Variants in C2orf49 observed in about 807,000 individuals in gnomAD.
C2orf49 encodes the protein tRNA splicing ligase complex subunit 2.
C2orf49 carries 11 observed loss-of-function variants against 20.6 expected under a neutral mutation model. The observed-to-expected ratio is 0.53, with a 90% CI of 0.34 to 0.88. The LOEUF is 0.88. Among genes scored for constraint, C2orf49 ranks in the 40% least tolerant of loss-of-function variants. The pLI is 0.02. For synonymous variants in C2orf49, 134 were observed against 108.5 expected, an observed-to-expected ratio of 1.24 and a Z score of -1.46; for missense variants, 289 against 274.2, an observed-to-expected ratio of 1.05 and a Z score of -0.38.
At chr2:105,357,817 A>T in the C2orf49 span, 1 of 152,064 alleles carries the variant, frequency 6.6e-6, no homozygotes, top group African/African-American at 2.4e-5. Context: ...TCCTTTTTTA[A>T]ATATGATTTC....
downstream of C2orf49, among the ~76,000 whole-genome samples, chr2:105,349,540 C>G (rs1186236483): frequency 3.3e-5 from 5 of 152,148 alleles, no homozygotes; most frequent in East Asian, 3.8e-4. Context: ...GTAGCTTGAT[C>G]ATCTTATTGT....
At chr2:105,358,207 G>T in the C2orf49 span, 1 of 152,236 alleles carries the variant, frequency 6.6e-6, no homozygotes, top group Non-Finnish European at 1.5e-5. Flanking sequence ...CTTAGGCAAA[G>T]ATTTCTCGTT....
the C2orf49 span, among the ~76,000 whole-genome samples, chr2:105,357,459 G>T: frequency 1.3e-5 from 2 of 151,894 alleles, no homozygotes; most frequent in Non-Finnish European, 2.9e-5. Flanking sequence ...TCATCTCTTG[G>T]TATCTGTGGG....
chr2:105,339,572 C>T lies in C2orf49; in HGVS notation c.100-11C>T. 6.4e-7 allele frequency: 1 copy of T among 1,572,728 alleles called. No homozygotes were observed. Among genetic ancestry groups the T allele is most frequent in the Non-Finnish European group, 8.6e-7 (1 of 1,169,014 alleles). On this transcript the variant is annotated splice_polypyrimidine_tract_variant and intron_variant, in intron 1 of 3. Coordinates refer to ENST00000258457, the MANE Select transcript of C2orf49 (RefSeq NM_024093.3). Reference sequence around the variant, plus strand: ...ATTGTTTTGAAATTACTTTTGTTTCCTTTCCCGCAGAAGAACATAGCTGTT... The same window carrying T: ...ATTGTTTTGAAATTACTTTTGTTTCTTTTCCCGCAGAAGAACATAGCTGTT...
chr2:105,367,788 G>A, the C2orf49 span: 182 of 1,562,726 alleles, frequency 1.2e-4, no homozygotes, highest in Non-Finnish European at 1.4e-4. Context: ...TTAGAGGGGT[G>A]TGGAGTCCCA....
chr2:105,376,773 C>T, the C2orf49 span: 1 of 152,178 alleles, frequency 6.6e-6, no homozygotes, highest in Non-Finnish European at 1.5e-5. Flanking sequence ...AGATGTCTAT[C>T]AATAGGTGAA....
At chr2:105,369,329 AAGCTAGGGGTTGTATTTT>A in the C2orf49 span, among the ~76,000 whole-genome samples, 1 of 152,218 alleles carries the variant, frequency 6.6e-6, no homozygotes, top group Non-Finnish European at 1.5e-5. Flanking sequence ...CCCAAGGACA[AAGCTAGGGGTTGTATTTT>A]AGCTGGCTAG....
intron 3 of C2orf49, among the ~76,000 whole-genome samples, chr2:105,344,800 G>T (rs1478807441): frequency 1.3e-5 from 2 of 151,772 alleles, no homozygotes; most frequent in Non-Finnish European, 2.9e-5. Flanking sequence ...CTGTTGGCCA[G>T]GCTGGTCTCA....
chr2:105,374,156 C>T, the C2orf49 span: 4 of 249,906 alleles, frequency 1.6e-5, no homozygotes, highest in Admixed American at 5.1e-5. Context: ...CTGTGGTCAC[C>T]GGCATGGCAG....
At chr2:105,381,524 C>T in the C2orf49 span, among the ~76,000 whole-genome samples, 8 of 152,178 alleles carry the variant, frequency 5.3e-5, no homozygotes, top group East Asian at 1.9e-4. Flanking sequence ...CACTGCTGAG[C>T]GCTGTGCACC....
chr2:105,370,317 G>C, the C2orf49 span, among the ~76,000 whole-genome samples: 1 of 152,144 alleles, frequency 6.6e-6, no homozygotes, highest in East Asian at 1.9e-4. Flanking sequence ...CAAGGCTGCA[G>C]TGAGCAGTGA....
rs189637203 is a variant in C2orf49, at chr2:105,343,045, C to T, written c.464C>T (p.Ser155Phe). The change falls in exon 3 of 4, where the codon TCT becomes TTT. Residue 155 changes from serine to phenylalanine, a missense_variant. Physicochemically the swap from Ser to Phe is radical, Grantham distance 155 (BLOSUM62 -2). Coordinates refer to ENST00000258457, the MANE Select transcript of C2orf49 (RefSeq NM_024093.3). ...TCGAGTGTTTCACCCCTAATTTTGT[C>T]TTCCAATTTGCCTGTGAACAATAAA... ...SSSSVSPLIL[S>F]SNLPVNNKTE... 1.0e-4 allele frequency: 165 copies of T among 1,614,186 alleles called. No homozygotes were observed. Among genetic ancestry groups the T allele is most frequent in the Middle Eastern group, 8.2e-4 (5 of 6,062 alleles).
chr2:105,385,405 C>A, the C2orf49 span, among the ~76,000 whole-genome samples: 1 of 152,172 alleles, frequency 6.6e-6, no homozygotes, highest in East Asian at 1.9e-4. Flanking sequence ...AATCAGTCAG[C>A]GGCAATGTGC....
chr2:105,367,930 C>T, the C2orf49 span, among the ~76,000 whole-genome samples: 1 of 152,214 alleles, frequency 6.6e-6, no homozygotes, highest in East Asian at 1.9e-4. Context: ...TTTTGGTTCA[C>T]TACTGTACAC....
At chr2:105,369,017 T>C in the C2orf49 span, among the ~76,000 whole-genome samples, 1 of 152,154 alleles carries the variant, frequency 6.6e-6, no homozygotes, top group Non-Finnish European at 1.5e-5. Context: ...AGTGTGCAGC[T>C]GTGTGCAGTT....
the C2orf49 span, among the ~76,000 whole-genome samples, chr2:105,371,631 G>A: frequency 1.3e-4 from 20 of 151,476 alleles, no homozygotes; most frequent in Non-Finnish European, 5.9e-5. Flanking sequence ...TTTCTCTGGA[G>A]AACGTGACTA....
the C2orf49 span, chr2:105,361,283 T>G: frequency 6.2e-7 from 1 of 1,611,964 alleles, no homozygotes; most frequent in South Asian, 1.1e-5. Flanking sequence ...TGTGTTGAAT[T>G]CAGATGTCTT....
chr2:105,353,624 C>A (rs534280075), downstream of C2orf49, among the ~76,000 whole-genome samples: 4 of 152,296 alleles, frequency 2.6e-5, no homozygotes, highest in Admixed American at 2.6e-4. Context: ...CTTGAGTAAG[C>A]TTTATTCTTC....
downstream of C2orf49, among the ~76,000 whole-genome samples, chr2:105,352,222 A>G (rs1679951257): frequency 6.6e-6 from 1 of 152,198 alleles, no homozygotes. Flanking sequence ...TGCTTAAGTC[A>G]TATCATTTAA....
Sources: allele counts gnomAD v4.1 joint callset (sites outside exome capture counted in the v4.1 genomes callset), GRCh38; gene constraint gnomAD v4.1.1; transcripts MANE v1.5; gene names NCBI Gene and HGNC (gene_info 2026-07-23, HGNC 2026-07-21).